Variants in PCDH7 observed in about 807,000 individuals in gnomAD.
PCDH7 encodes protocadherin 7.
In PCDH7, 17 loss-of-function variants were observed where a neutral mutation model predicts 58.9. That is an observed-to-expected ratio of 0.29 (90% CI 0.20 to 0.43). The LOEUF (loss-of-function observed/expected upper bound fraction) is 0.43, where lower values mean the gene tolerates loss of function less well. PCDH7 is among the 20% of genes least tolerant of loss of function. The pLI is 1.00. For missense variants in PCDH7, 1,274 were observed against 1,441.0 expected, an observed-to-expected ratio of 0.88 and a Z score of 1.88; for synonymous variants, 664 against 616.4, an observed-to-expected ratio of 1.08 and a Z score of -1.14.
intron 3 of PCDH7, among the ~76,000 whole-genome samples, chr4:30,976,489 C>G (rs532289676): frequency 1.1e-3 from 172 of 150,614 alleles, no homozygotes; most frequent in African/African-American, 4.2e-3. Flanking sequence ...AAACCCCTGC[C>G]TCTGGGGTTC....
intron 1 of PCDH7, among the ~76,000 whole-genome samples, chr4:30,874,866 A>C (rs1265202496): frequency 6.6e-6 from 1 of 151,846 alleles, no homozygotes; most frequent in Non-Finnish European, 1.5e-5. Context: ...CTTCAGCAAG[A>C]CTGTTGGAGC....
intron 3 of PCDH7, among the ~76,000 whole-genome samples, chr4:31,096,074 C>A (rs903687108): frequency 6.6e-6 from 1 of 152,098 alleles, no homozygotes; most frequent in African/African-American, 2.4e-5. Flanking sequence ...GTTACAATAA[C>A]CTAATTTCAC....
chr4:30,792,888 G>A (rs78914094), intron 1 of PCDH7, among the ~76,000 whole-genome samples: 5 of 152,124 alleles, frequency 3.3e-5, no homozygotes, highest in African/African-American at 9.6e-5. Context: ...AATACATTTC[G>A]AGTGGGTACA....
chr4:30,752,761 A>G (rs549732224), intron 1 of PCDH7, among the ~76,000 whole-genome samples: 3 of 137,640 alleles, frequency 2.2e-5, no homozygotes, highest in African/African-American at 8.3e-5. Context: ...ATCCAGTCCT[A>G]TCTTCCTCTT....
chr4:30,930,303 G>C (rs574963043), intron 2 of PCDH7, among the ~76,000 whole-genome samples: 1 of 152,120 alleles, frequency 6.6e-6, no homozygotes, highest in Non-Finnish European at 1.5e-5. Flanking sequence ...AGGAAAAAGT[G>C]GTGCCATTTG....
chr4:31,078,490 T>TC (rs1281981169), intron 3 of PCDH7, among the ~76,000 whole-genome samples: 3 of 151,026 alleles, frequency 2.0e-5, no homozygotes, highest in Admixed American at 6.6e-5. Flanking sequence ...TTTTCTTTTT[T>TC]TTTTTTTTGG....
At chr4:30,917,459 A>G (rs1742621976) in intron 1 of PCDH7, among the ~76,000 whole-genome samples, 1 of 152,206 alleles carries the variant, frequency 6.6e-6, no homozygotes, top group Non-Finnish European at 1.5e-5. Context: ...AATAAAAATG[A>G]TAGGTGTGAT....
At chr4:31,005,193 C>A (rs1752672896) in intron 3 of PCDH7, among the ~76,000 whole-genome samples, 1 of 152,096 alleles carries the variant, frequency 6.6e-6, no homozygotes, top group Non-Finnish European at 1.5e-5. Flanking sequence ...GTTGTTTTAT[C>A]TGTTGTTGAG....
intron 1 of PCDH7, among the ~76,000 whole-genome samples, chr4:30,865,492 G>A (rs1734766415): frequency 6.6e-6 from 1 of 151,936 alleles, no homozygotes; most frequent in African/African-American, 2.4e-5. Flanking sequence ...AATCTCATGT[G>A]GGGAATTTGG....
intron 1 of PCDH7, among the ~76,000 whole-genome samples, chr4:30,906,605 C>T (rs988927618): frequency 1.3e-5 from 2 of 152,118 alleles, no homozygotes; most frequent in Admixed American, 6.6e-5. Flanking sequence ...AATTGAAGAA[C>T]TATAAATGTT....
chr4:30,957,077 C>G (rs554637471), intron 3 of PCDH7, among the ~76,000 whole-genome samples: 1 of 152,124 alleles, frequency 6.6e-6, no homozygotes, highest in Non-Finnish European at 1.5e-5. Flanking sequence ...AAATCAGCAG[C>G]TGCGTAATAT....
intron 1 of PCDH7, among the ~76,000 whole-genome samples, chr4:30,889,747 T>C (rs892690681): frequency 1.1e-4 from 16 of 152,166 alleles, no homozygotes; most frequent in African/African-American, 3.9e-4. Flanking sequence ...GTGCCTCTTT[T>C]ATAAGGATGC....
At chr4:30,750,254 G>A (rs1718331476) in intron 1 of PCDH7, among the ~76,000 whole-genome samples, 1 of 152,118 alleles carries the variant, frequency 6.6e-6, no homozygotes, top group African/African-American at 2.4e-5. Flanking sequence ...GTCCAAAGTG[G>A]CCCTGAAGGC....
intron 1 of PCDH7, among the ~76,000 whole-genome samples, chr4:30,820,952 G>A (rs1445509257): frequency 1.3e-5 from 2 of 152,048 alleles, no homozygotes; most frequent in African/African-American, 4.8e-5. Flanking sequence ...TTATTTTTCT[G>A]TGCCTCATTT....
chr4:30,887,977 G>A (rs1236082264), intron 1 of PCDH7, among the ~76,000 whole-genome samples: 1 of 151,844 alleles, frequency 6.6e-6, no homozygotes, highest in Non-Finnish European at 1.5e-5. Flanking sequence ...CCGGGTGCAA[G>A]CAATTCTTCT....
At chr4:30,912,927 T>G (rs555360515) in intron 1 of PCDH7, among the ~76,000 whole-genome samples, 1 of 152,226 alleles carries the variant, frequency 6.6e-6, no homozygotes, top group South Asian at 2.1e-4. Flanking sequence ...TACGTCCGAT[T>G]GTGGGACATA....
intron 1 of PCDH7, among the ~76,000 whole-genome samples, chr4:30,894,548 CACACACACACAT>C (rs1739133378): frequency 8.9e-6 from 1 of 112,294 alleles, no homozygotes; most frequent in Non-Finnish European, 1.8e-5. Context: ...CACACACACA[CACACACACACAT>C]ATATACATAT....
At chr4:31,107,085 C>T (rs1404693887) in intron 3 of PCDH7, among the ~76,000 whole-genome samples, 1 of 151,380 alleles carries the variant, frequency 6.6e-6, no homozygotes, top group Non-Finnish European at 1.5e-5. Context: ...TTTAGTTTTC[C>T]AACTGTTTTT....
At chr4:31,137,235 A>G (rs998174438) in intron 3 of PCDH7, among the ~76,000 whole-genome samples, 3 of 152,210 alleles carry the variant, frequency 2.0e-5, no homozygotes, top group African/African-American at 7.2e-5. Flanking sequence ...AAAAAGGAAA[A>G]AGTTCCTGCA....
Sources: gnomAD v4.1 joint callset for allele counts (sites outside exome capture counted in the v4.1 genomes callset) on GRCh38, gnomAD v4.1.1 for gene constraint, MANE v1.5 for transcripts, NCBI Gene and HGNC (gene_info 2026-07-23, HGNC 2026-07-21) for gene names.